PPP1R3B: variants seen among roughly 807,000 people sequenced by gnomAD.
PPP1R3B encodes protein phosphatase 1 regulatory subunit 3B, also known as PP1 subunit R4.
A neutral mutation model predicts 14.6 loss-of-function variants in PPP1R3B; 8 were observed. The observed-to-expected ratio is 0.55, with a 90% CI of 0.32 to 0.99. The LOEUF (loss-of-function observed/expected upper bound fraction) is 0.99, where lower values mean the gene tolerates loss of function less well. Among genes scored for constraint, PPP1R3B ranks in the 50% least tolerant of loss-of-function variants. The pLI is 0.04. For missense variants in PPP1R3B, 452 were observed against 360.1 expected, an observed-to-expected ratio of 1.26 and a Z score of -2.07; for synonymous variants, 169 against 142.0, an observed-to-expected ratio of 1.19 and a Z score of -1.35.
Position 9,141,272 on chromosome 8 carries a change from C to T in PPP1R3B, c.380G>A (p.Arg127Gln), listed in dbSNP as rs1404065810. ...AAGGCAGACGTGGTCGGCCTGAAGTCGATTTCTAAAGTCTAAGTAATCTGC... is the reference window on the plus strand; with the variant it reads ...AAGGCAGACGTGGTCGGCCTGAAGTTGATTTCTAAAGTCTAAGTAATCTGC... ...PSADYLDFRN[R>Q]LQADHVCLEN... Residue 127 changes from arginine to glutamine, a missense_variant, in exon 2 of 2, where the codon CGA (arginine) becomes CAA (glutamine). Transcript: ENST00000310455. The T allele has an allele frequency of 3.7e-6, 6 of 1,614,022 alleles. No homozygotes were observed. The highest frequency in any genetic ancestry group is 4.2e-6 in the Non-Finnish European group (5 of 1,180,044).
At chr8:9,149,192 CAAAAAA>C (rs768443532) in intron 1 of PPP1R3B, among the ~76,000 whole-genome samples, 1 of 68,844 alleles carries the variant, frequency 1.5e-5, no homozygotes. Context: ...AACTACGTCT[CAAAAAA>C]AAAAAAAAAA....
rs1800917270 is a variant in PPP1R3B, at chr8:9,137,203, T to C, written c.*3591A>G. 6.6e-6 allele frequency: 1 copy of C among 152,230 alleles called. No individual in the cohort carries two copies. Among genetic ancestry groups the C allele is most frequent in the Non-Finnish European group, 1.5e-5 (1 of 68,042 alleles). 9.4% of individuals were successfully genotyped at this position (152,230 alleles called of 1,614,324 possible). On this transcript the variant is annotated 3_prime_UTR_variant, in exon 2 of 2. Transcript: ENST00000310455. ...AAATAAAGAAACCCACTCAAATGCT[T>C]CATGTCTTCCAATAGATACTGAAAG... is the stretch of plus-strand genomic sequence containing the variant.
chr8:9,147,032 G>T (rs973500744), intron 1 of PPP1R3B, among the ~76,000 whole-genome samples: 1 of 151,632 alleles, frequency 6.6e-6, no homozygotes, highest in Non-Finnish European at 1.5e-5. Flanking sequence ...GCCCAGGCTG[G>T]AGTGCCGTGG....
At chr8:9,146,704 T>C (rs1431491447) in intron 1 of PPP1R3B, among the ~76,000 whole-genome samples, 1 of 152,174 alleles carries the variant, frequency 6.6e-6, no homozygotes, top group Non-Finnish European at 1.5e-5. Context: ...TGTTTCCCCT[T>C]TAAGAAAATC....
At chr8:9,146,364 TCAAG>T (rs1801240642) in intron 1 of PPP1R3B, among the ~76,000 whole-genome samples, 1 of 152,154 alleles carries the variant, frequency 6.6e-6, no homozygotes, top group Non-Finnish European at 1.5e-5. Context: ...GAGCTCACTC[TCAAG>T]CAGCCATGGC....
At chr8:9,144,448 C>G (rs1294641440) in intron 1 of PPP1R3B, among the ~76,000 whole-genome samples, 1 of 152,168 alleles carries the variant, frequency 6.6e-6, no homozygotes, top group African/African-American at 2.4e-5. Context: ...CCCACCTCAG[C>G]CTCCCAAAAT....
rs1375670238 is a variant in PPP1R3B at position 9,143,754 on chromosome 8, T to C, written c.-17-2086A>G. ...CAGCAATTTCGTATTCTTAAGCCTT[T>C]AACATAGGTGAATATTTGTTTTTTC... On this transcript the variant is annotated intron_variant, in intron 1 of 1. Coordinates refer to ENST00000310455, the MANE Select transcript of PPP1R3B (RefSeq NM_024607.4). Among the ~76,000 whole-genome samples, 9 of 152,288 alleles carry C rather than the reference T, an allele frequency of 5.9e-5. No individual in the cohort carries two copies. In the East Asian group the frequency reaches 1.3e-3, roughly 23 times the overall value.
intron 1 of PPP1R3B, among the ~76,000 whole-genome samples, chr8:9,148,007 G>T (rs970436602): frequency 1.3e-5 from 2 of 152,178 alleles, no homozygotes; most frequent in Middle Eastern, 3.4e-3. Flanking sequence ...GGTATGACTC[G>T]ACTGTCAGTC....
rs942446009 is a variant in PPP1R3B, at chr8:9,138,988, G to C, written c.*1806C>G. 1 of 152,014 alleles carries C rather than the reference G, an allele frequency of 6.6e-6. No individual in the cohort carries two copies. The highest frequency in any genetic ancestry group is 1.5e-5 in the Non-Finnish European group (1 of 68,048). 9.4% of individuals were successfully genotyped at this position (152,014 alleles called of 1,614,324 possible). A position where few individuals can be genotyped will look rare whatever the true frequency, so the allele number is the denominator to read the frequency against. On this transcript the variant is annotated 3_prime_UTR_variant, in exon 2 of 2. Transcript: ENST00000310455. ...GGCTGAAATGCAGTGACGTGATCTC[G>C]GCTCACTGCAACCTCCACCTCCTGG...
chr8:9,149,233 G>A (rs1446781155), intron 1 of PPP1R3B, among the ~76,000 whole-genome samples: 1 of 147,160 alleles, frequency 6.8e-6, no homozygotes. Context: ...GGGCGTGGTG[G>A]CTCACGCCTG....
At position 9,137,209 on chromosome 8, in the gene PPP1R3B, C is replaced by T. The variant is rs946332156; in HGVS notation, c.*3585G>A. ...AGAAACCCACTCAAATGCTTCATGT[C>T]TTCCAATAGATACTGAAAGCTTATT... On this transcript the variant is annotated 3_prime_UTR_variant, in exon 2 of 2. Coordinates refer to ENST00000310455, the MANE Select transcript of PPP1R3B (RefSeq NM_024607.4). 6.6e-6 allele frequency: 1 copy of T among 152,204 alleles called. No homozygotes were observed. The highest frequency in any genetic ancestry group is 1.5e-5 in the Non-Finnish European group (1 of 68,042). 9.4% of individuals were successfully genotyped at this position (152,204 alleles called of 1,614,324 possible).
chr8:9,142,930 T>C (rs1801131055), intron 1 of PPP1R3B, among the ~76,000 whole-genome samples: 1 of 152,216 alleles, frequency 6.6e-6, no homozygotes, highest in African/African-American at 2.4e-5. Flanking sequence ...TTAGGTTGAT[T>C]CCGTATCTTG....
chr8:9,145,159 TAGAG>T (rs1379328248), intron 1 of PPP1R3B: 5 of 151,916 alleles, frequency 3.3e-5, no homozygotes, highest in African/African-American at 7.3e-5. Context: ...TATATATATA[TAGAG>T]AGAGAGAAGA....
Position 9,137,501 on chromosome 8 carries a change from A to G in PPP1R3B, c.*3293T>C, listed in dbSNP as rs1274561408. 6.6e-6 allele frequency: 1 copy of G among 152,130 alleles called. No homozygotes were observed. Among genetic ancestry groups the G allele is most frequent in the Non-Finnish European group, 1.5e-5 (1 of 68,048 alleles). The allele number at this position is 152,130 out of a possible 1,614,324, so 9.4% of individuals were successfully genotyped here. A position where few individuals can be genotyped will look rare whatever the true frequency, so the allele number is the denominator to read the frequency against. ...GAAGTCTCCAAGTAAGAAACCTGTCACCCTCTGAAGTGTGTAGGCTTATCT... is the reference window on the plus strand; with the variant it reads ...GAAGTCTCCAAGTAAGAAACCTGTCGCCCTCTGAAGTGTGTAGGCTTATCT... On this transcript the variant is annotated 3_prime_UTR_variant, in exon 2 of 2. Transcript: ENST00000310455.
intron 1 of PPP1R3B, chr8:9,145,553 C>G (rs1051235601): frequency 1.3e-5 from 2 of 152,086 alleles, no homozygotes; most frequent in African/African-American, 4.8e-5. Flanking sequence ...CAACAGTAAG[C>G]TGTTAGAAGT....
At chr8:9,144,568 CAT>C (rs1377526166) in intron 1 of PPP1R3B, among the ~76,000 whole-genome samples, 7 of 152,100 alleles carry the variant, frequency 4.6e-5, no homozygotes, top group Non-Finnish European at 1.0e-4. Flanking sequence ...CCTAATATCA[CAT>C]AGAGACATTT....
rs1460614265 is a variant in PPP1R3B at position 9,136,829 on chromosome 8, A to T, written c.*3965T>A. 2 of 152,222 alleles carry T rather than the reference A, an allele frequency of 1.3e-5. No individual in the cohort carries two copies. The highest frequency in any genetic ancestry group is 4.8e-5 in the African/African-American group (2 of 41,446). The allele number at this position is 152,222 out of a possible 1,614,324, so 9.4% of individuals were successfully genotyped here. On this transcript the variant is annotated 3_prime_UTR_variant, in exon 2 of 2. Coordinates refer to ENST00000310455, the MANE Select transcript of PPP1R3B (RefSeq NM_024607.4). ...AAATTTTAGAAGAGGAAACAAATAA[A>T]AGGCAACCAAGGTTTTCATCCCCTA... is the stretch of plus-strand genomic sequence containing the variant.
At chr8:9,149,285 G>A (rs1801341200) in intron 1 of PPP1R3B, among the ~76,000 whole-genome samples, 1 of 151,146 alleles carries the variant, frequency 6.6e-6, no homozygotes. Flanking sequence ...CAGATCACGA[G>A]GTCAGGAGAT....
chr8:9,143,604 A>G (rs1801153745), intron 1 of PPP1R3B, among the ~76,000 whole-genome samples: 1 of 152,342 alleles, frequency 6.6e-6, no homozygotes, highest in East Asian at 1.9e-4. Context: ...CTGTAGGCTG[A>G]GACAGCAGAA....
Sources: allele counts gnomAD v4.1 joint callset (sites outside exome capture counted in the v4.1 genomes callset), GRCh38; gene constraint gnomAD v4.1.1; transcripts MANE v1.5; gene names NCBI Gene and HGNC (gene_info 2026-07-23, HGNC 2026-07-21).